ZDHHC14: variants seen among roughly 807,000 people sequenced by gnomAD.
ZDHHC14 encodes palmitoyltransferase ZDHHC14.
In ZDHHC14, 16 loss-of-function variants were observed where a neutral mutation model predicts 47.7. The observed-to-expected ratio is 0.34, with a 90% CI of 0.23 to 0.51. The LOEUF is 0.51. Among genes scored for constraint, ZDHHC14 ranks in the 20% least tolerant of loss-of-function variants. The pLI is 0.97. For missense variants in ZDHHC14, 515 were observed against 662.5 expected (o/e 0.78, Z 2.44); for synonymous variants, 293 against 278.9 (o/e 1.05, Z -0.50).
At chr6:157,516,517 A>G (rs542191395) in intron 1 of ZDHHC14, among the ~76,000 whole-genome samples, 13 of 152,308 alleles carry the variant, frequency 8.5e-5, no homozygotes, top group Non-Finnish European at 1.3e-4. Context: ...AAATCTATGA[A>G]AGTGTCTCCT....
intron 5 of ZDHHC14, among the ~76,000 whole-genome samples, chr6:157,643,650 AATATATATATATAT>A (rs3056787): frequency 6.9e-5 from 5 of 72,522 alleles, no homozygotes; most frequent in Admixed American, 1.8e-4. Context: ...CTTCATCTCA[AATATATATATATAT>A]ATATATATAT....
intron 8 of ZDHHC14, among the ~76,000 whole-genome samples, 181 bp from the exon 9 acceptor site, chr6:157,672,543 T>A (rs986997488): frequency 6.6e-6 from 1 of 152,006 alleles, no homozygotes; most frequent in African/African-American, 2.4e-5. Flanking sequence ...GCGCTGGGTG[T>A]CTCTCCCAAT....
At chr6:157,528,852 G>A (rs9355744) in intron 1 of ZDHHC14, among the ~76,000 whole-genome samples, 1 of 150,510 alleles carries the variant, frequency 6.6e-6, no homozygotes, top group Non-Finnish European at 1.5e-5. Context: ...CTGGGGGTGG[G>A]AGTGGGCATT....
At chr6:157,394,323 G>GA (rs546568178) in intron 1 of ZDHHC14, among the ~76,000 whole-genome samples, 277 of 152,300 alleles carry the variant, frequency 1.8e-3, no homozygotes, top group African/African-American at 6.4e-3. Flanking sequence ...CTCTCCTCTG[G>GA]AATATGGGCC....
intron 1 of ZDHHC14, among the ~76,000 whole-genome samples, chr6:157,482,877 G>T (rs1355256034): frequency 1.3e-5 from 2 of 151,970 alleles, no homozygotes; most frequent in Admixed American, 1.3e-4. Context: ...CGAGTAGCTG[G>T]GATTACAGGC....
At chr6:157,410,074 GCC>G (rs539386497) in intron 1 of ZDHHC14, among the ~76,000 whole-genome samples, 59 of 152,156 alleles carry the variant, frequency 3.9e-4, no homozygotes, top group Non-Finnish European at 7.2e-4. Context: ...CAAGTGATCT[GCC>G]CGCGCTGGCA....
chr6:157,564,351 G>T (rs1782823523), intron 2 of ZDHHC14, among the ~76,000 whole-genome samples: 1 of 152,168 alleles, frequency 6.6e-6, no homozygotes. Context: ...CCAGAAGTGG[G>T]GTTGGGGGGA....
chr6:157,645,696 C>A, intron 5 of ZDHHC14, 41 bp from the exon 6 acceptor site: 2 of 1,543,412 alleles, frequency 1.3e-6, no homozygotes, highest in East Asian at 2.3e-5. Flanking sequence ...CCACTTCTTG[C>A]GCGGTCCCTC....
chr6:157,414,543 A>T (rs1309113367), intron 1 of ZDHHC14, among the ~76,000 whole-genome samples: 1 of 152,212 alleles, frequency 6.6e-6, no homozygotes, highest in Non-Finnish European at 1.5e-5. Context: ...TTTCCAAGAC[A>T]GTATATGACT....
chr6:157,492,209 C>CCCCCCA, intron 1 of ZDHHC14, among the ~76,000 whole-genome samples: 1 of 147,354 alleles, frequency 6.8e-6, no homozygotes, highest in Admixed American at 6.7e-5. Flanking sequence ...CGCCCCCGCC[C>CCCCCCA]CCCAGCCACT....
chr6:157,527,272 G>A (rs1781191412), intron 1 of ZDHHC14, among the ~76,000 whole-genome samples: 2 of 152,108 alleles, frequency 1.3e-5, no homozygotes, highest in South Asian at 2.1e-4. Flanking sequence ...ACCTCCCATC[G>A]ACTCCAGGAG....
intron 1 of ZDHHC14, among the ~76,000 whole-genome samples, chr6:157,528,734 A>AAAAAT (rs1307105067): frequency 5.9e-5 from 9 of 151,742 alleles, no homozygotes; most frequent in Non-Finnish European, 8.8e-5. Flanking sequence ...TTCATCTCAA[A>AAAAAT]AAAATAAAAT....
At chr6:157,417,296 TC>T (rs1235682501) in intron 1 of ZDHHC14, among the ~76,000 whole-genome samples, 18 of 152,182 alleles carry the variant, frequency 1.2e-4, no homozygotes, top group Non-Finnish European at 1.9e-4. Flanking sequence ...GATGCTGTCA[TC>T]CCTACCCAAG....
chr6:157,405,140 G>A (rs896802158), intron 1 of ZDHHC14, among the ~76,000 whole-genome samples: 1 of 152,148 alleles, frequency 6.6e-6, no homozygotes, highest in African/African-American at 2.4e-5. Context: ...AATATTTTAT[G>A]TTAGGGTCTA....
At chr6:157,605,866 C>T (rs1220435212) in intron 3 of ZDHHC14, among the ~76,000 whole-genome samples, 2 of 152,104 alleles carry the variant, frequency 1.3e-5, no homozygotes, top group African/African-American at 4.8e-5. Context: ...GGTCACCAGC[C>T]TATAAAGGCT....
At chr6:157,524,791 C>A (rs1781099066) in intron 1 of ZDHHC14, among the ~76,000 whole-genome samples, 1 of 152,320 alleles carries the variant, frequency 6.6e-6, no homozygotes, top group African/African-American at 2.4e-5. Flanking sequence ...TTATTCCCTT[C>A]CCTGTGATTC....
chr6:157,472,143 A>T (rs1025708400), intron 1 of ZDHHC14, among the ~76,000 whole-genome samples: 12 of 152,070 alleles, frequency 7.9e-5, no homozygotes, highest in African/African-American at 2.9e-4. Flanking sequence ...TCCCGTCAGG[A>T]TGTCCTGCAG....
chr6:157,671,612 A>G (rs1166266953), intron 8 of ZDHHC14, among the ~76,000 whole-genome samples: 3 of 152,186 alleles, frequency 2.0e-5, no homozygotes, highest in Non-Finnish European at 4.4e-5. Flanking sequence ...TGCCTGTCGC[A>G]TAGCCTGGAA....
rs1211863462 is a variant in ZDHHC14 at position 157,511,086 on chromosome 6, A to G, written c.246-31499A>G. ...CCAGATCCTCTTCCTCTTCCTTAGT[A>G]GGCATCTTCTCCGACTCGGCTTCTA... is the stretch of plus-strand genomic sequence containing the variant. On this transcript the variant is annotated intron_variant, in intron 1 of 8. Coordinates refer to ENST00000359775, the MANE Select transcript of ZDHHC14 (RefSeq NM_024630.3). Among the ~76,000 whole-genome samples the G allele has an allele frequency of 3.3e-5, 5 of 152,058 alleles. No homozygotes were observed. The East Asian group carries it at 9.6e-4, about 29-fold the overall frequency.
Sources: allele counts gnomAD v4.1 joint callset (sites outside exome capture counted in the v4.1 genomes callset), GRCh38; gene constraint gnomAD v4.1.1; transcripts MANE v1.5; gene names NCBI Gene and HGNC (gene_info 2026-07-23, HGNC 2026-07-21).